MAD1L1: variants seen among roughly 807,000 people sequenced by gnomAD.
MAD1L1 encodes the protein mitotic spindle assembly checkpoint protein MAD1.
MAD1L1 carries 95 observed loss-of-function variants against 96.9 expected under a neutral mutation model. The ratio of observed to expected loss-of-function variants is 0.98; its 90% CI spans 0.83 to 1.16. The LOEUF (loss-of-function observed/expected upper bound fraction) is 1.16. Among genes scored for constraint, MAD1L1 ranks in the 50% most tolerant of loss-of-function variants. The pLI, the probability that MAD1L1 is intolerant of heterozygous loss-of-function variation, is 0.00. For synonymous variants in MAD1L1, 473 were observed against 396.6 expected (o/e 1.19, Z -2.29); for missense variants, 1,007 against 954.4 (o/e 1.06, Z -0.73).
chr7:1,967,034 TA>T (rs1780198906), intron 15 of MAD1L1, among the ~76,000 whole-genome samples: 1 of 152,196 alleles, frequency 6.6e-6, no homozygotes, highest in Non-Finnish European at 1.5e-5. Context: ...GGCTTACAGA[TA>T]ATACCCGGGT....
intron 18 of MAD1L1, among the ~76,000 whole-genome samples, chr7:1,837,079 A>ATT (rs757841722): frequency 6.6e-6 from 1 of 152,236 alleles, no homozygotes; most frequent in Non-Finnish European, 1.5e-5. Flanking sequence ...TTGATGAAGG[A>ATT]TTTGCATCTG....
intron 11 of MAD1L1, among the ~76,000 whole-genome samples, chr7:2,137,820 G>A (rs533621051): frequency 3.9e-5 from 6 of 152,338 alleles, no homozygotes; most frequent in Non-Finnish European, 7.3e-5. Context: ...GGCCCTGGAG[G>A]CTCCAAAGAG....
chr7:2,005,558 A>G (rs902773727), intron 13 of MAD1L1, among the ~76,000 whole-genome samples: 4 of 152,198 alleles, frequency 2.6e-5, no homozygotes, highest in African/African-American at 9.6e-5. Context: ...ACCAGCATTT[A>G]GGGAGGCCAA....
At chr7:2,053,478 G>C (rs1236171555) in intron 12 of MAD1L1, among the ~76,000 whole-genome samples, 1 of 152,246 alleles carries the variant, frequency 6.6e-6, no homozygotes, top group Non-Finnish European at 1.5e-5. Context: ...AAAAGGGCCT[G>C]CCTCAATGCT....
intron 11 of MAD1L1, among the ~76,000 whole-genome samples, chr7:2,131,688 A>T (rs1365940741): frequency 6.6e-6 from 1 of 152,158 alleles, no homozygotes; most frequent in Non-Finnish European, 1.5e-5. Flanking sequence ...GGGACAGCTC[A>T]GGTGTGTCCC....
In MAD1L1 at chr7:1,898,353, G is replaced by C; in HGVS notation, c.1845C>G (p.Asn615Lys). ...TCTGGAAAACCTCCTTGAGCCGCTG[G>C]TTCTTCAGCTCGGCACTCTCCACCT... Reference protein sequence around the residue: ...KKQVESAELKNQRLKEVFQTK... With the variant: ...KKQVESAELKKQRLKEVFQTK... The change falls in exon 18 of 19, where the codon AAC (asparagine) becomes AAG (lysine). Residue 615 changes from asparagine to lysine, a missense_variant. By Grantham distance (94) the Asn-to-Lys change is moderately conservative. Coordinates refer to ENST00000265854, the MANE Select transcript of MAD1L1 (RefSeq NM_001013836.2). The C allele has an allele frequency of 6.2e-7, 1 of 1,614,048 alleles. No individual in the cohort carries two copies. The highest frequency in any genetic ancestry group is 8.5e-7 in the Non-Finnish European group (1 of 1,180,014).
chr7:2,156,505 C>T (rs113970756), intron 10 of MAD1L1, among the ~76,000 whole-genome samples: 2,695 of 151,550 alleles, frequency 0.018, 40 homozygotes, highest in Non-Finnish European at 0.028. Context: ...ACTTCCGGAA[C>T]TACCGATCAT....
intron 12 of MAD1L1, among the ~76,000 whole-genome samples, chr7:2,017,389 C>A (rs924766556): frequency 6.6e-6 from 1 of 152,202 alleles, no homozygotes; most frequent in Non-Finnish European, 1.5e-5. Flanking sequence ...ATAGAATGTG[C>A]TCATCATGCA....
At chr7:1,837,557 A>G (rs191370360) in intron 18 of MAD1L1, among the ~76,000 whole-genome samples, 48 of 152,376 alleles carry the variant, frequency 3.2e-4, no homozygotes, top group African/African-American at 1.1e-3. Flanking sequence ...ATGCCCGTCA[A>G]CATCTGGATG....
At chr7:1,842,076 G>A (rs1381770983) in intron 18 of MAD1L1, among the ~76,000 whole-genome samples, 4 of 152,178 alleles carry the variant, frequency 2.6e-5, no homozygotes, top group African/African-American at 9.7e-5. Flanking sequence ...CTGAAAATTT[G>A]ATCATGAAAG....
At chr7:2,115,721 C>T (rs1162889514) in intron 11 of MAD1L1, among the ~76,000 whole-genome samples, 1 of 152,266 alleles carries the variant, frequency 6.6e-6, no homozygotes. Context: ...GAAGCCACGG[C>T]CCTGCCCCCA....
intron 11 of MAD1L1, among the ~76,000 whole-genome samples, chr7:2,080,635 C>T (rs1785594529): frequency 6.6e-6 from 1 of 151,594 alleles, no homozygotes; most frequent in South Asian, 2.1e-4. Context: ...AAGAACAGCG[C>T]TGGGCTCTGA....
intron 16 of MAD1L1, among the ~76,000 whole-genome samples, chr7:1,950,494 G>C (rs908442706): frequency 2.6e-5 from 4 of 152,222 alleles, no homozygotes; most frequent in African/African-American, 9.6e-5. Flanking sequence ...CCTTCAGAAG[G>C]TAATCTGCGG....
intron 10 of MAD1L1, among the ~76,000 whole-genome samples, chr7:2,178,071 G>A (rs1202456600): frequency 6.6e-6 from 1 of 152,222 alleles, no homozygotes; most frequent in African/African-American, 2.4e-5. Context: ...GAAGAGGGAA[G>A]TTTTACTGAG....
chr7:1,984,624 G>A (rs1445589508), intron 14 of MAD1L1, among the ~76,000 whole-genome samples: 4 of 152,154 alleles, frequency 2.6e-5, no homozygotes, highest in Non-Finnish European at 4.4e-5. Flanking sequence ...GTTTCTGAGC[G>A]GCTTCTGGCT....
At chr7:1,817,433 G>A (rs1187302701) in intron 18 of MAD1L1, 5 of 152,312 alleles carry the variant, frequency 3.3e-5, no homozygotes. Flanking sequence ...CTCAACCGCC[G>A]GAGGGAGACA....
chr7:2,015,606 A>T (rs1782501631), intron 12 of MAD1L1, among the ~76,000 whole-genome samples: 1 of 152,188 alleles, frequency 6.6e-6, no homozygotes, highest in Non-Finnish European at 1.5e-5. Flanking sequence ...TCCCTGCCCC[A>T]GGTGTGGGCC....
rs1260388555 is a variant in MAD1L1, at chr7:2,216,227, A to C, written c.739T>G (p.Ser247Ala). The C allele has an allele frequency of 1.9e-6, 3 of 1,614,114 alleles. No individual in the cohort carries two copies. The highest frequency in any genetic ancestry group is 2.5e-6 in the Non-Finnish European group (3 of 1,180,032). ...QDAAIVKNMKSELVRLPRLER... is the reference protein window; with the variant it reads ...QDAAIVKNMKAELVRLPRLER... ...AGCCTAGGGAGCCGTACCAGCTCAG[A>C]CTTCATGTTCTTCACAATCGCTGCA... Residue 247 changes from serine to alanine, a missense_variant, in exon 8 of 19, where the codon TCT becomes GCT. Physicochemically the swap from Ser to Ala is moderately conservative, Grantham distance 99 (BLOSUM62 1). Transcript: ENST00000265854.
intron 15 of MAD1L1, among the ~76,000 whole-genome samples, chr7:1,978,635 C>T (rs1009216583): frequency 6.6e-6 from 1 of 152,174 alleles, no homozygotes; most frequent in Admixed American, 6.5e-5. Context: ...CACACACAGC[C>T]CCCAACCCCA....
Sources: gnomAD v4.1 joint callset for allele counts (sites outside exome capture counted in the v4.1 genomes callset) on GRCh38, gnomAD v4.1.1 for gene constraint, MANE v1.5 for transcripts, NCBI Gene and HGNC (gene_info 2026-07-23, HGNC 2026-07-21) for gene names.